SLC9C2: variants seen among roughly 807,000 people sequenced by gnomAD.
The protein encoded by SLC9C2 is sodium/hydrogen exchanger 11.
A neutral mutation model predicts 140.2 loss-of-function variants in SLC9C2; 75 were observed. The ratio of observed to expected loss-of-function variants is 0.53; its 90% confidence interval spans 0.44 to 0.65. SLC9C2 has a LOEUF of 0.65. Ranked by LOEUF, SLC9C2 falls within the 30% of genes least tolerant of loss-of-function variation. SLC9C2 has a pLI of 0.00. For missense variants in SLC9C2, 1,074 were observed against 1,331.8 expected (o/e 0.81, Z 3.01); for synonymous variants, 375 against 420.9 (o/e 0.89, Z 1.34).
intron 6 of SLC9C2, among the ~76,000 whole-genome samples, chr1:173,583,041 C>A (rs766746119): frequency 6.6e-6 from 1 of 152,188 alleles, no homozygotes. Context: ...TGTCCAAGAA[C>A]ACACATGCAG....
chr1:173,602,078 G>A (rs1422857289), intron 1 of SLC9C2, among the ~76,000 whole-genome samples: 2 of 152,120 alleles, frequency 1.3e-5, no homozygotes, highest in Non-Finnish European at 2.9e-5. Context: ...ATGGGAGAGG[G>A]GGTGCATTGA....
At chr1:173,525,009 C>T in intron 19 of SLC9C2, 82 bp from the exon 20 acceptor site, 1 of 1,377,156 alleles carries the variant, frequency 7.3e-7, no homozygotes, top group East Asian at 2.4e-5. Context: ...TGTATAATTT[C>T]CAAAGCATTT....
At chr1:173,576,433 A>T (rs1358427016) in intron 8 of SLC9C2, among the ~76,000 whole-genome samples, 1 of 152,222 alleles carries the variant, frequency 6.6e-6, no homozygotes, top group Non-Finnish European at 1.5e-5. Flanking sequence ...CATATAAAAA[A>T]CACCATGGTT....
chr1:173,555,402 C>A (rs1663603343), intron 10 of SLC9C2: 1 of 152,296 alleles, frequency 6.6e-6, no homozygotes, highest in Admixed American at 6.5e-5. Context: ...AGAGCCACAG[C>A]ATCCTTCACT....
intron 24 of SLC9C2, among the ~76,000 whole-genome samples, chr1:173,509,181 C>A (rs776015542): frequency 1.3e-5 from 2 of 152,098 alleles, no homozygotes; most frequent in South Asian, 4.1e-4. Context: ...CAGTGGCTCA[C>A]GCCTATAATC....
At chr1:173,555,473 A>C (rs1663610436) in intron 10 of SLC9C2, among the ~76,000 whole-genome samples, 1 of 152,092 alleles carries the variant, frequency 6.6e-6, no homozygotes, top group African/African-American at 2.4e-5. Context: ...TAATAACAAC[A>C]ATCACCTGAA....
In SLC9C2 at chr1:173,581,915, T is replaced by C; in HGVS notation, c.734A>G (p.Asp245Gly). 2 of 1,607,762 alleles carry C rather than the reference T, an allele frequency of 1.2e-6. No individual in the cohort carries two copies. Among genetic ancestry groups the C allele is most frequent in the Non-Finnish European group, 1.7e-6 (2 of 1,175,888 alleles). Residue 245 changes from aspartate to glycine, a missense_variant, in exon 7 of 28, where the codon GAC (aspartate) becomes GGC (glycine). Asp to Gly is a moderately conservative substitution (Grantham distance 94, BLOSUM62 -1). Coordinates refer to ENST00000367714, the MANE Select transcript of SLC9C2 (RefSeq NM_178527.4). ...CAKIIQCILA[D>G]VFSNMLTNII... ...ATTAGTCAGCATATTGCTAAAAACG[T>C]CAGCCAATATACACTGAATGATTTT...
intron 24 of SLC9C2, among the ~76,000 whole-genome samples, chr1:173,508,863 C>T (rs985442726): frequency 6.6e-6 from 1 of 152,180 alleles, no homozygotes; most frequent in African/African-American, 2.4e-5. Context: ...GAGGCTCAGT[C>T]ACCTCCACAA....
intron 23 of SLC9C2, among the ~76,000 whole-genome samples, chr1:173,511,103 G>A (rs534444704): frequency 3.4e-4 from 44 of 130,020 alleles, no homozygotes; most frequent in Non-Finnish European, 5.5e-4. Flanking sequence ...GGTGCATCTC[G>A]GCTCACTGCA....
rs1443036098 is a variant in SLC9C2 at position 173,524,809 on chromosome 1, A to G, written c.2484T>C (p.Ile828=). Residue 828 remains isoleucine (I), a synonymous_variant, in exon 20 of 28, where the codon ATT becomes ATC. Coordinates refer to ENST00000367714, the MANE Select transcript of SLC9C2 (RefSeq NM_178527.4). The part of the protein sequence containing the change: ...NLTFLCSRGI[I]DKHEVIEINK... Reference sequence around the variant, plus strand: ...TTATCTCAATGACTTCATGCTTATCAATAATGCCTCTTGAACAAAGGAAGG... The same window carrying G: ...TTATCTCAATGACTTCATGCTTATCGATAATGCCTCTTGAACAAAGGAAGG... 1.2e-6 allele frequency: 2 copies of G among 1,614,050 alleles called. No individual in the cohort carries two copies. Among genetic ancestry groups the G allele is most frequent in the Non-Finnish European group, 1.7e-6 (2 of 1,179,946 alleles).
chr1:173,555,650 G>A (rs1023180691), intron 10 of SLC9C2, among the ~76,000 whole-genome samples: 2 of 152,260 alleles, frequency 1.3e-5, no homozygotes, highest in East Asian at 1.9e-4. Flanking sequence ...AAAGAGAATC[G>A]GAGGAGCTGT....
chr1:173,577,639 C>G (rs1665260196), intron 7 of SLC9C2, among the ~76,000 whole-genome samples: 2 of 151,924 alleles, frequency 1.3e-5, no homozygotes, highest in African/African-American at 2.4e-5. Context: ...CATTAGTGGC[C>G]CCGTAACTAT....
At position 173,506,843 on chromosome 1, in the gene SLC9C2, T is replaced by C. The variant is rs762104101; in HGVS notation, c.3225+13A>G. 6.2e-7 allele frequency: 1 copy of C among 1,604,568 alleles called. No homozygotes were observed. Among genetic ancestry groups the C allele is most frequent in the South Asian group, 1.1e-5 (1 of 89,184 alleles). On this transcript the variant is annotated intron_variant, in intron 25 of 27. Coordinates refer to ENST00000367714, the MANE Select transcript of SLC9C2 (RefSeq NM_178527.4). ...TGAAGAGCAAGAGACTCTTTAGAAA[T>C]GATATTTCTTACCTGCTCACAGGTT...
chr1:173,526,764 T>C (rs1661230734), intron 18 of SLC9C2, 50 bp from the exon 19 acceptor site: 1 of 1,277,658 alleles, frequency 7.8e-7, no homozygotes, highest in African/African-American at 2.6e-5. Flanking sequence ...ATATAGTTTC[T>C]GTAAGAAATT....
chr1:173,536,838 A>C, intron 14 of SLC9C2, 104 bp downstream of exon 14: 1 of 811,086 alleles, frequency 1.2e-6, no homozygotes. Context: ...AGATATGTGA[A>C]ATAATAGATT....
intron 11 of SLC9C2, 144 bp downstream of exon 11, chr1:173,554,589 G>T (rs1387087967): frequency 1.3e-5 from 8 of 633,112 alleles, no homozygotes; most frequent in African/African-American, 1.1e-4. Flanking sequence ...AAGTAATACA[G>T]CATCTAAATA....
intron 9 of SLC9C2, among the ~76,000 whole-genome samples, chr1:173,557,854 A>G (rs1663817469): frequency 6.6e-6 from 1 of 152,214 alleles, no homozygotes; most frequent in Admixed American, 6.5e-5. Context: ...AAAGCCATAC[A>G]TGACTGGATT....
At chr1:173,561,962 A>G (rs1412710026) in intron 9 of SLC9C2, among the ~76,000 whole-genome samples, 1 of 152,160 alleles carries the variant, frequency 6.6e-6, no homozygotes, top group Non-Finnish European at 1.5e-5. Flanking sequence ...ACCTGATTAT[A>G]TGTAAACTAA....
In SLC9C2 at chr1:173,556,129, C is replaced by T. The variant is rs114680188; in HGVS notation, c.1215+1211G>A. On this transcript the variant is annotated intron_variant, in intron 10 of 27. Coordinates refer to ENST00000367714, the MANE Select transcript of SLC9C2 (RefSeq NM_178527.4). Reference sequence around the variant, plus strand: ...CTCATATCATTCAAGCGGTTTTCCCCCTCCCAGAAACAGATCTGGGGTTCA... The same window carrying T: ...CTCATATCATTCAAGCGGTTTTCCCTCTCCCAGAAACAGATCTGGGGTTCA... Among the ~76,000 whole-genome samples the T allele has an allele frequency of 4.7e-3, 720 of 152,294 alleles. 7 individuals are homozygous for T. Among genetic ancestry groups the T allele is most frequent in the Middle Eastern group, 0.01 (3 of 294 alleles).
Sources: gnomAD v4.1 joint callset for allele counts (sites outside exome capture counted in the v4.1 genomes callset) on GRCh38, gnomAD v4.1.1 for gene constraint, MANE v1.5 for transcripts, NCBI Gene and HGNC (gene_info 2026-07-23, HGNC 2026-07-21) for gene names.